ARPP21: variants seen among roughly 807,000 people sequenced by gnomAD.
The protein encoded by ARPP21 is cAMP regulated phosphoprotein 21, also known as cAMP-regulated phosphoprotein 21.
A neutral mutation model predicts 113.2 loss-of-function variants in ARPP21; 69 were observed. That is an observed-to-expected ratio of 0.61 (90% CI 0.50 to 0.74). ARPP21 has a LOEUF of 0.74. Ranked by LOEUF, ARPP21 falls within the 30% of genes least tolerant of loss-of-function variation. ARPP21 has a pLI of 0.00. For synonymous variants in ARPP21, 368 were observed against 375.5 expected, an observed-to-expected ratio of 0.98 and a Z score of 0.23; for missense variants, 1,070 against 1,037.4, an observed-to-expected ratio of 1.03 and a Z score of -0.43.
intron 1 of ARPP21, among the ~76,000 whole-genome samples, chr3:35,649,567 G>A (rs578250482): frequency 3.4e-4 from 52 of 152,278 alleles, no homozygotes; most frequent in Admixed American, 5.2e-4. Flanking sequence ...TGTGCCTTTG[G>A]AGAGATTAAC....
chr3:35,706,782 A>G (rs2089266610), intron 9 of ARPP21, among the ~76,000 whole-genome samples, 192 bp from the exon 10 acceptor site: 1 of 152,226 alleles, frequency 6.6e-6, no homozygotes, highest in Non-Finnish European at 1.5e-5. Context: ...CCCCAAATTC[A>G]AAACAACAAA....
At chr3:35,687,232 T>C (rs2080886564) in intron 5 of ARPP21, among the ~76,000 whole-genome samples, 1 of 151,368 alleles carries the variant, frequency 6.6e-6, no homozygotes, top group South Asian at 2.1e-4. Flanking sequence ...GACCTGGGTC[T>C]AAAATTGAGT....
At chr3:35,745,178 G>C (rs1018681852) in intron 19 of ARPP21, among the ~76,000 whole-genome samples, 2 of 152,050 alleles carry the variant, frequency 1.3e-5, no homozygotes, top group African/African-American at 2.4e-5. Flanking sequence ...AACACTAAAG[G>C]GTTTCAAATA....
chr3:35,702,267 T>G (rs2086718809), intron 9 of ARPP21, among the ~76,000 whole-genome samples: 1 of 151,748 alleles, frequency 6.6e-6, no homozygotes, highest in Admixed American at 6.6e-5. Context: ...TTTTATAGAG[T>G]CACATATCCT....
intron 19 of ARPP21, among the ~76,000 whole-genome samples, chr3:35,766,423 C>T (rs1021567758): frequency 2.6e-5 from 4 of 152,132 alleles, no homozygotes; most frequent in African/African-American, 4.8e-5. Flanking sequence ...GAAGCACTAA[C>T]ACAGAATGAA....
chr3:35,698,208 A>G (rs188154513), intron 9 of ARPP21, among the ~76,000 whole-genome samples: 29 of 151,780 alleles, frequency 1.9e-4, no homozygotes, highest in African/African-American at 7.0e-4. Flanking sequence ...ACTCCATGTC[A>G]TTTTCTTCAA....
intron 10 of ARPP21, chr3:35,707,636 T>A (rs1267436775): frequency 4.7e-6 from 2 of 427,674 alleles, no homozygotes; most frequent in Admixed American, 4.9e-5. Context: ...CTCCTTCCCA[T>A]GTTTTATGGT....
intron 1 of ARPP21, among the ~76,000 whole-genome samples, chr3:35,659,091 A>C (rs1315847160): frequency 1.3e-5 from 2 of 152,226 alleles, no homozygotes; most frequent in Non-Finnish European, 2.9e-5. Flanking sequence ...GCTGACTTTG[A>C]TAATCAAGAC....
chr3:35,653,741 A>G (rs1703512676), intron 1 of ARPP21, among the ~76,000 whole-genome samples: 1 of 152,094 alleles, frequency 6.6e-6, no homozygotes, highest in Non-Finnish European at 1.5e-5. Flanking sequence ...CATAATAGAA[A>G]TGATAGCTTG....
In ARPP21 at chr3:35,743,937, A is replaced by G. The variant is rs1039030936; in HGVS notation, c.2109A>G (p.Gln703=). The G allele has an allele frequency of 3.1e-6, 5 of 1,614,060 alleles. No homozygotes were observed. In the South Asian group the frequency reaches 4.4e-5, roughly 14 times the overall value. The part of the protein sequence containing the change: ...APVQYNAQRS[Q]QMPQAAQQAG... ...TTCAGTACAACGCTCAGAGGAGTCA[A>G]CAGATGCCACAGGCAGCACAGCAAG... is the stretch of plus-strand genomic sequence containing the variant. Residue 703 remains glutamine, a synonymous_variant, in exon 19 of 21, where the codon CAA becomes CAG. Transcript: ENST00000684406.
intron 1 of ARPP21, among the ~76,000 whole-genome samples, chr3:35,672,018 T>C (rs2076449789): frequency 1.3e-5 from 2 of 152,218 alleles, no homozygotes; most frequent in Non-Finnish European, 1.5e-5. Context: ...TGTTTTTCCT[T>C]ACTTATATGC....
At chr3:35,712,101 C>T (rs539513164) in intron 11 of ARPP21, among the ~76,000 whole-genome samples, 1 of 152,238 alleles carries the variant, frequency 6.6e-6, no homozygotes, top group South Asian at 2.1e-4. Context: ...TCTAGTACTT[C>T]CAGATCCCCA....
intron 1 of ARPP21, among the ~76,000 whole-genome samples, chr3:35,659,000 T>C (rs181577723): frequency 6.6e-5 from 10 of 152,328 alleles, no homozygotes; most frequent in African/African-American, 2.4e-4. Flanking sequence ...AATCCTCATA[T>C]TTAAATGATA....
chr3:35,786,852 C>A (rs2096644740), intron 19 of ARPP21, among the ~76,000 whole-genome samples: 1 of 152,102 alleles, frequency 6.6e-6, no homozygotes, highest in Non-Finnish European at 1.5e-5. Context: ...GCAGGAACAT[C>A]CATGACCCCA....
intron 19 of ARPP21, among the ~76,000 whole-genome samples, chr3:35,756,196 T>C (rs1374963037): frequency 1.3e-5 from 2 of 152,036 alleles, no homozygotes; most frequent in Admixed American, 6.6e-5. Flanking sequence ...CACATAAATG[T>C]AATGGTTCCA....
chr3:35,769,037 T>C (rs1284391903), intron 19 of ARPP21, among the ~76,000 whole-genome samples: 1 of 152,208 alleles, frequency 6.6e-6, no homozygotes, highest in Non-Finnish European at 1.5e-5. Flanking sequence ...TCTTTCTCTC[T>C]CTTCCTCTCT....
chr3:35,773,645 T>C (rs2096271315), intron 19 of ARPP21, among the ~76,000 whole-genome samples: 1 of 152,136 alleles, frequency 6.6e-6, no homozygotes, highest in Non-Finnish European at 1.5e-5. Context: ...CTGAACTATG[T>C]CCTTCATCAT....
chr3:35,778,988 T>G (rs575110960), intron 19 of ARPP21, among the ~76,000 whole-genome samples: 1 of 152,352 alleles, frequency 6.6e-6, no homozygotes, highest in East Asian at 1.9e-4. Flanking sequence ...TATGTATTTC[T>G]AAACTTTGGG....
At chr3:35,719,959 G>A (rs1029643275) in intron 13 of ARPP21, among the ~76,000 whole-genome samples, 5 of 152,286 alleles carry the variant, frequency 3.3e-5, no homozygotes, top group Non-Finnish European at 5.9e-5. Context: ...AAATGGAATA[G>A]CAAGCCCTTG....
Sources: allele counts gnomAD v4.1 joint callset (sites outside exome capture counted in the v4.1 genomes callset), GRCh38; gene constraint gnomAD v4.1.1; transcripts MANE v1.5; gene names NCBI Gene and HGNC (gene_info 2026-07-23, HGNC 2026-07-21).